LDAH: variants seen among roughly 807,000 people sequenced by gnomAD.
The protein encoded by LDAH is lipid droplet associated hydrolase, also known as lipid droplet-associated hydrolase.
Under a neutral mutation model 29.6 loss-of-function variants are expected in LDAH, and 26 were observed. The ratio of observed to expected loss-of-function variants is 0.88; its 90% CI spans 0.64 to 1.22. The LOEUF is 1.22. Among genes scored for constraint, LDAH ranks in the 50% most tolerant of loss-of-function variants. The pLI is 0.00. For missense variants in LDAH, 344 were observed against 387.3 expected (o/e 0.89, Z 0.94); for synonymous variants, 117 against 133.0 (o/e 0.88, Z 0.83).
chr2:20,721,209 A>T (rs141082069), intron 5 of LDAH, among the ~76,000 whole-genome samples: 215 of 152,300 alleles, frequency 1.4e-3, no homozygotes, highest in Admixed American at 2.0e-3. Context: ...CATGGGAGAA[A>T]ATATTTGCAA....
At chr2:20,809,860 T>C (rs754386776) in intron 1 of LDAH, among the ~76,000 whole-genome samples, 4 of 152,192 alleles carry the variant, frequency 2.6e-5, no homozygotes, top group African/African-American at 9.7e-5. Flanking sequence ...CTGTTCACTA[T>C]GAAGGCCTTG....
chr2:20,791,876 A>C lies in LDAH; in HGVS notation c.155-1478T>G, dbSNP rs1215573370. Among the ~76,000 whole-genome samples the C allele has an allele frequency of 2.0e-5, 3 of 152,154 alleles. No individual in the cohort carries two copies. In the East Asian group the frequency reaches 5.8e-4, roughly 29 times the overall value. Reference sequence around the variant, plus strand: ...CATTCTTTCTGCATTGATTTGAAATATCTTCAGACCCAATACTACATTTTT... The same window carrying C: ...CATTCTTTCTGCATTGATTTGAAATCTCTTCAGACCCAATACTACATTTTT... On this transcript the variant is annotated intron_variant, in intron 2 of 6. Transcript: ENST00000237822.
intron 4 of LDAH, among the ~76,000 whole-genome samples, chr2:20,772,353 TG>T (rs1341496670): frequency 1.3e-5 from 2 of 152,234 alleles, no homozygotes; most frequent in Admixed American, 1.3e-4. Flanking sequence ...TTAAGACACC[TG>T]GAACAACTAA....
chr2:20,701,445 G>A (rs1663927738), intron 6 of LDAH, 125 bp downstream of exon 6: 2 of 724,872 alleles, frequency 2.8e-6, no homozygotes, highest in Non-Finnish European at 4.6e-6. Context: ...TTAACTGGAA[G>A]TAGAACTCTA....
At position 20,698,627 on chromosome 2, in the gene LDAH, C is replaced by T. The variant is rs1435586957; in HGVS notation, c.786+2943G>A. Among the ~76,000 whole-genome samples, 4 of 152,080 alleles carry T rather than the reference C, an allele frequency of 2.6e-5. No homozygotes were observed. In the South Asian group the frequency reaches 8.3e-4, roughly 32 times the overall value. On this transcript the variant is annotated intron_variant, in intron 6 of 6. Transcript: ENST00000237822. This position sits in a 1 kb window ranked among gnomAD's most constrained non-coding sequence, Gnocchi z 4.4. Reference sequence around the variant, plus strand: ...CCCGGGAAGTGGAGGTTGCAGTGAGCCGAGATCGTGCCACTGCACTCTAGC... The same window carrying T: ...CCCGGGAAGTGGAGGTTGCAGTGAGTCGAGATCGTGCCACTGCACTCTAGC...
rs1006017529 is a variant in LDAH, at chr2:20,780,664, C to T, written c.299-5685G>A. Among the ~76,000 whole-genome samples the T allele has an allele frequency of 5.9e-5, 9 of 152,256 alleles. No homozygotes were observed. The East Asian group carries it at 1.4e-3, about 23-fold the overall frequency. ...TACCTATAGATTGCCAAGAGAGGAG[C>T]GCACAATCTGGTCTGTGTTATGGAC... is the stretch of plus-strand genomic sequence containing the variant. On this transcript the variant is annotated intron_variant, in intron 3 of 6. Coordinates refer to ENST00000237822, the MANE Select transcript of LDAH (RefSeq NM_021925.4).
At chr2:20,697,719 G>A (rs1186535802) in intron 6 of LDAH, among the ~76,000 whole-genome samples, 5 of 152,138 alleles carry the variant, frequency 3.3e-5, no homozygotes, top group Non-Finnish European at 7.3e-5. Context: ...CTAACGCAGG[G>A]CTTCTTTGCT....
chr2:20,726,960 A>G (rs1021879256), intron 5 of LDAH, among the ~76,000 whole-genome samples: 1 of 152,248 alleles, frequency 6.6e-6, no homozygotes, highest in African/African-American at 2.4e-5. Context: ...ATTATATCCT[A>G]GTACCACACT....
At chr2:20,710,402 T>C (rs960996785) in intron 5 of LDAH, among the ~76,000 whole-genome samples, 2 of 151,886 alleles carry the variant, frequency 1.3e-5, no homozygotes, top group Non-Finnish European at 2.9e-5. Flanking sequence ...ATACCCTGAA[T>C]AGTCTTACAT....
At chr2:20,804,826 G>A (rs1451568277) in intron 1 of LDAH, among the ~76,000 whole-genome samples, 2 of 152,148 alleles carry the variant, frequency 1.3e-5, no homozygotes, top group African/African-American at 4.8e-5. Context: ...AGAAAGTGGA[G>A]ACCACTGTCC....
intron 5 of LDAH, among the ~76,000 whole-genome samples, chr2:20,702,150 T>C (rs1323157826): frequency 6.6e-6 from 1 of 152,124 alleles, no homozygotes; most frequent in African/African-American, 2.4e-5. Context: ...GTTAGTCCCA[T>C]TACACTGGCT....
chr2:20,821,715 T>C (rs1325294465), intron 1 of LDAH, among the ~76,000 whole-genome samples: 2 of 152,042 alleles, frequency 1.3e-5, no homozygotes, highest in Non-Finnish European at 2.9e-5. Flanking sequence ...TGTATACATA[T>C]GTAACAAACC....
intron 4 of LDAH, among the ~76,000 whole-genome samples, chr2:20,763,270 G>C (rs1450675185): frequency 2.0e-5 from 3 of 152,100 alleles, no homozygotes; most frequent in Non-Finnish European, 1.5e-5. Context: ...TGCTTCCAAG[G>C]GATATGAGAA....
At chr2:20,694,285 A>G (rs1663259956) in intron 6 of LDAH, among the ~76,000 whole-genome samples, 1 of 152,236 alleles carries the variant, frequency 6.6e-6, no homozygotes, top group Non-Finnish European at 1.5e-5. Flanking sequence ...GGATGACAGC[A>G]GCAGGCTTCC....
rs115076768 is a variant in LDAH, at chr2:20,755,607, G to A, written c.469-15402C>T. 3.2e-3 allele frequency among the ~76,000 whole-genome samples: 485 copies of A among 152,138 alleles called. 1 individual carries two copies. Among genetic ancestry groups the A allele is most frequent in the African/African-American group, 0.011 (464 of 41,524 alleles). On this transcript the variant is annotated intron_variant, in intron 4 of 6. Coordinates refer to ENST00000237822, the MANE Select transcript of LDAH (RefSeq NM_021925.4). Reference sequence around the variant, plus strand: ...TGGCTGAGAGGCAGCCAGTCCCCTGGGACACTTGCCTCATCCAATACCCTC... The same window carrying A: ...TGGCTGAGAGGCAGCCAGTCCCCTGAGACACTTGCCTCATCCAATACCCTC...
chr2:20,769,453 G>A (rs1669260876), intron 4 of LDAH, among the ~76,000 whole-genome samples: 1 of 152,166 alleles, frequency 6.6e-6, no homozygotes, highest in African/African-American at 2.4e-5. Flanking sequence ...ATAGCTGAGT[G>A]ACATAATATG....
chr2:20,737,680 A>G (rs1666884170), intron 5 of LDAH, among the ~76,000 whole-genome samples: 1 of 152,160 alleles, frequency 6.6e-6, no homozygotes, highest in Admixed American at 6.5e-5. Context: ...AGGGTTTGTG[A>G]CTTCCTGTCA....
intron 5 of LDAH, among the ~76,000 whole-genome samples, chr2:20,703,666 A>G (rs1304664575): frequency 6.6e-6 from 1 of 151,620 alleles, no homozygotes; most frequent in Admixed American, 6.6e-5. Context: ...TCTACTCAAT[A>G]TTTTTCTGAG....
chr2:20,732,789 T>A (rs1390387091), intron 5 of LDAH, among the ~76,000 whole-genome samples: 1 of 152,212 alleles, frequency 6.6e-6, no homozygotes, highest in African/African-American at 2.4e-5. Context: ...TCTTTGTCAG[T>A]CTTGCTAGGG....
Sources: allele counts gnomAD v4.1 joint callset (sites outside exome capture counted in the v4.1 genomes callset), GRCh38; gene constraint gnomAD v4.1.1; non-coding constraint Gnocchi (gnomAD v3.1); transcripts MANE v1.5; gene names NCBI Gene and HGNC (gene_info 2026-07-23, HGNC 2026-07-21).